Variants in TSHR observed in about 807,000 individuals in gnomAD.
The protein encoded by TSHR is thyroid stimulating hormone receptor.
In TSHR, 51 loss-of-function variants were observed where a neutral mutation model predicts 64.1. The ratio of observed to expected loss-of-function variants is 0.80; its 90% CI spans 0.64 to 1.01. The LOEUF (loss-of-function observed/expected upper bound fraction) is 1.01, where lower values mean the gene tolerates loss of function less well. Among genes scored for constraint, TSHR ranks in the 50% least tolerant of loss-of-function variants. The pLI is 0.00. For synonymous variants in TSHR, 361 were observed against 361.9 expected (o/e 1.00, Z 0.03); for missense variants, 877 against 942.8 (o/e 0.93, Z 0.91).
Position 81,144,413 on chromosome 14 carries a change from T to C in TSHR, c.*60T>C, listed in dbSNP as rs376550192. On this transcript the variant is annotated 3_prime_UTR_variant, in exon 10 of 10. Coordinates refer to ENST00000298171, the MANE Select transcript of TSHR (RefSeq NM_000369.5). ...TTACAAAATAATAGTTTCTTGAATA[T>C]GCATTCCAATCCCATGACACCCCCA... 5 of 1,554,902 alleles carry C rather than the reference T, an allele frequency of 3.2e-6. No homozygotes were observed. Among genetic ancestry groups the C allele is most frequent in the Non-Finnish European group, 2.7e-6 (3 of 1,131,552 alleles).
chr14:81,025,278 C>A (rs759952059), intron 1 of TSHR, among the ~76,000 whole-genome samples: 4 of 151,922 alleles, frequency 2.6e-5, no homozygotes, highest in Non-Finnish European at 5.9e-5. Context: ...TTCTTAATTT[C>A]TTTTTATATT....
chr14:81,073,161 T>C (rs1241776046), intron 3 of TSHR, among the ~76,000 whole-genome samples: 2 of 150,202 alleles, frequency 1.3e-5, no homozygotes, highest in East Asian at 3.9e-4. Flanking sequence ...CTATATAAGA[T>C]ATAGTGATTC....
chr14:81,037,419 C>A (rs142577599), intron 1 of TSHR, among the ~76,000 whole-genome samples: 8 of 99,058 alleles, frequency 8.1e-5, no homozygotes, highest in Admixed American at 8.8e-5. Flanking sequence ...AAAGGAAATA[C>A]AAAACAAACA....
At chr14:81,107,697 C>A (rs1889983565) in intron 7 of TSHR, among the ~76,000 whole-genome samples, 1 of 152,104 alleles carries the variant, frequency 6.6e-6, no homozygotes, top group South Asian at 2.1e-4. Context: ...AAACACTGCT[C>A]ACACACACAC....
intron 1 of TSHR, among the ~76,000 whole-genome samples, chr14:80,967,375 TC>T (rs1444877419): frequency 6.9e-6 from 1 of 144,582 alleles, no homozygotes; most frequent in Non-Finnish European, 1.5e-5. Flanking sequence ...AACCTGCACC[TC>T]CGGATTCAAG....
chr14:80,973,271 G>A (rs1887671013), intron 1 of TSHR, among the ~76,000 whole-genome samples: 1 of 151,806 alleles, frequency 6.6e-6, no homozygotes, highest in African/African-American at 2.4e-5. Context: ...CGGGCTAGGT[G>A]GCGGGTGCCT....
chr14:80,994,390 A>G (rs1405609325), intron 1 of TSHR: 2 of 152,138 alleles, frequency 1.3e-5, no homozygotes, highest in Non-Finnish European at 2.9e-5. Flanking sequence ...TTAAAAATTT[A>G]TATGAAACCA....
chr14:80,983,668 C>A, intron 1 of TSHR: 1 of 695,786 alleles, frequency 1.4e-6, no homozygotes, highest in Non-Finnish European at 2.3e-6. Context: ...CACTTTGAAC[C>A]ATCTCCAAAC....
intron 1 of TSHR, chr14:80,982,497 A>C (rs771280168): frequency 5.5e-4 from 569 of 1,040,496 alleles, no homozygotes; most frequent in Non-Finnish European, 7.1e-4. Context: ...AAGAGGAGGA[A>C]GAGAATGTCA....
intron 1 of TSHR, among the ~76,000 whole-genome samples, chr14:81,041,011 T>A (rs1279876042): frequency 2.0e-5 from 3 of 151,822 alleles, no homozygotes; most frequent in Non-Finnish European, 2.9e-5. Context: ...AGTAAAAAAA[T>A]AACAGATGCT....
chr14:81,050,879 C>G (rs1028681984), intron 1 of TSHR: 14 of 151,972 alleles, frequency 9.2e-5, no homozygotes. Flanking sequence ...TTTTATGGGT[C>G]CTTTCCAAAC....
intron 1 of TSHR, among the ~76,000 whole-genome samples, chr14:80,973,359 T>C (rs1480842578): frequency 1.6e-5 from 2 of 126,250 alleles, no homozygotes; most frequent in African/African-American, 6.2e-5. Flanking sequence ...TGAGCCGAGA[T>C]CGCGCCACTG....
At chr14:81,099,387 T>A (rs1889427264) in intron 7 of TSHR, 1 of 152,200 alleles carries the variant, frequency 6.6e-6, no homozygotes. Context: ...GGATTCATCA[T>A]GGCTGACTTA....
chr14:81,086,528 T>A (rs935808914), intron 3 of TSHR, among the ~76,000 whole-genome samples: 14 of 152,208 alleles, frequency 9.2e-5, no homozygotes, highest in African/African-American at 3.1e-4. Flanking sequence ...AAGCATTATT[T>A]TAGAGCCCTA....
intron 8 of TSHR, among the ~76,000 whole-genome samples, chr14:81,132,272 A>G (rs1159470921): frequency 6.6e-6 from 1 of 152,200 alleles, no homozygotes; most frequent in East Asian, 1.9e-4. Context: ...GACACTTGCA[A>G]TTGCTGTTGG....
At chr14:81,058,253 C>T (rs1885968653) in intron 1 of TSHR, among the ~76,000 whole-genome samples, 1 of 152,218 alleles carries the variant, frequency 6.6e-6, no homozygotes, top group African/African-American at 2.4e-5. Context: ...CTAAGGCAGA[C>T]ATTTGACAGA....
At chr14:81,036,600 G>C (rs1884638720) in intron 1 of TSHR, among the ~76,000 whole-genome samples, 1 of 152,110 alleles carries the variant, frequency 6.6e-6, no homozygotes, top group African/African-American at 2.4e-5. Context: ...ATGCTAGAGA[G>C]AATGCTTCAA....
At chr14:81,075,539 C>T (rs1451638250) in intron 3 of TSHR, among the ~76,000 whole-genome samples, 1 of 151,754 alleles carries the variant, frequency 6.6e-6, no homozygotes, top group African/African-American at 2.4e-5. Context: ...TACATGTGCA[C>T]ATTGTGCAGG....
chr14:81,056,426 T>C (rs955803670), intron 1 of TSHR, among the ~76,000 whole-genome samples: 3 of 152,200 alleles, frequency 2.0e-5, no homozygotes, highest in Non-Finnish European at 2.9e-5. Flanking sequence ...TATGCATACA[T>C]ATATGTAAAG....
Sources: allele counts gnomAD v4.1 joint callset (sites outside exome capture counted in the v4.1 genomes callset), GRCh38; gene constraint gnomAD v4.1.1; transcripts MANE v1.5; gene names NCBI Gene and HGNC (gene_info 2026-07-23, HGNC 2026-07-21).